The following SYNJ2 variants were observed in gnomAD, a reference collection of about 807,000 sequenced individuals.
SYNJ2 encodes polyphosphatidylinositol phosphatase SYNJ2.
Under a neutral mutation model 141.3 loss-of-function variants are expected in SYNJ2, and 116 were observed. The ratio of observed to expected loss-of-function variants is 0.82; its 90% confidence interval spans 0.71 to 0.96. SYNJ2 has a LOEUF of 0.96. Among genes scored for constraint, SYNJ2 ranks in the 40% least tolerant of loss-of-function variants. SYNJ2 has a pLI of 0.00. For synonymous variants in SYNJ2, 745 were observed against 777.7 expected, an observed-to-expected ratio of 0.96 and a Z score of 0.70; for missense variants, 1,873 against 1,934.8, an observed-to-expected ratio of 0.97 and a Z score of 0.60.
In SYNJ2 at chr6:158,081,108, G is replaced by C. The variant is rs761576321; in HGVS notation, c.2568-1G>C. 1.9e-6 allele frequency: 3 copies of C among 1,613,734 alleles called. No individual in the cohort carries two copies. The South Asian group carries it at 3.3e-5, about 18-fold the overall frequency. ...TCATCCCTCTTTTGTTCCTAACGCA[G>C]ACCTGTGCTGGCGATCGTGGAGGTG... On this transcript the variant is annotated splice_acceptor_variant, in intron 18 of 26. Coordinates refer to ENST00000355585, the MANE Select transcript of SYNJ2 (RefSeq NM_003898.4). LOFTEE classifies it high-confidence loss of function.
In SYNJ2 at chr6:158,070,037, T is replaced by TTTAAAGA. The variant is rs1781819166; in HGVS notation, c.1940+364_1940+365insTTAAAGA. 5 of 671,688 alleles carry TTTAAAGA rather than the reference T, an allele frequency of 7.4e-6. 1 individual carries two copies. In the African/African-American group the frequency reaches 9.7e-5, roughly 13 times the overall value. The allele number at this position is 671,688 out of a possible 1,614,324, so 41.6% of individuals were successfully genotyped here. On this transcript the variant is annotated intron_variant, in intron 14 of 26. Transcript: ENST00000355585. The surrounding 1 kb of genome is among the most constrained non-coding windows in gnomAD (Gnocchi z 4.0). The stretch of plus-strand genomic sequence containing the variant: ...ACTCACTGGGAAATGCCAACTCTTT[T>TTTAAAGA]GTCCCTTTTTAAAAGAATTCTAAGT...
chr6:158,083,568 A>T lies in SYNJ2; in HGVS notation c.3005A>T (p.Asp1002Val). Reference sequence around the variant, plus strand: ...TCCTGTTTGCTGGAGGAAAACTTTGACTTCACAAGTTTGGACTATGAGTCA... The same window carrying T: ...TCCTGTTTGCTGGAGGAAAACTTTGTCTTCACAAGTTTGGACTATGAGTCA... ...ANSCLLEENFDFTSLDYESEG... is the reference protein window; with the variant it reads ...ANSCLLEENFVFTSLDYESEG... Residue 1002 changes from aspartate (D) to valine (V), a missense_variant, in exon 21 of 27, where the codon GAC (aspartate) becomes GTC (valine). Coordinates refer to ENST00000355585, the MANE Select transcript of SYNJ2 (RefSeq NM_003898.4). 1 of 1,614,068 alleles carries T rather than the reference A, an allele frequency of 6.2e-7. No homozygotes were observed. The highest frequency in any genetic ancestry group is 8.5e-7 in the Non-Finnish European group (1 of 1,180,012).
chr6:158,092,176 C>A (rs1339873504), intron 25 of SYNJ2, among the ~76,000 whole-genome samples: 1 of 151,698 alleles, frequency 6.6e-6, no homozygotes, highest in Non-Finnish European at 1.5e-5. Context: ...ACAGTCCCGG[C>A]TTAACACTTT....
intron 1 of SYNJ2, among the ~76,000 whole-genome samples, chr6:157,984,968 C>T (rs1307730402): frequency 6.6e-6 from 1 of 152,236 alleles, no homozygotes; most frequent in Non-Finnish European, 1.5e-5. Flanking sequence ...ATTCTAACTT[C>T]CATCCTGCTC....
chr6:158,057,069 G>A lies in SYNJ2; in HGVS notation c.857+2041G>A, dbSNP rs187271840. The stretch of plus-strand genomic sequence containing the variant: ...TGAACCCCTTCTCCTTCCCCGCCCC[G>A]CTCTGCGGGCGGCTGCTGTGCACAT... On this transcript the variant is annotated intron_variant, in intron 6 of 26. Coordinates refer to ENST00000355585, the MANE Select transcript of SYNJ2 (RefSeq NM_003898.4). Among the ~76,000 whole-genome samples, 14 of 152,168 alleles carry A rather than the reference G, an allele frequency of 9.2e-5. No individual in the cohort carries two copies. In the South Asian group the frequency reaches 2.1e-3, roughly 23 times the overall value.
chr6:158,017,427 T>TTTTC (rs1778521156), intron 2 of SYNJ2, 137 bp downstream of exon 2: 4 of 1,054,298 alleles, frequency 3.8e-6, no homozygotes, highest in Non-Finnish European at 5.1e-6. Flanking sequence ...TTTTTTTTTT[T>TTTTC]CTCCGAGATA....
Position 157,982,088 on chromosome 6 carries a change from G to T in SYNJ2, c.127G>T (p.Ala43Ser). 7.5e-7 allele frequency: 1 copy of T among 1,333,044 alleles called. No homozygotes were observed. The highest frequency in any genetic ancestry group is 9.6e-7 in the Non-Finnish European group (1 of 1,043,964). 82.6% of individuals were successfully genotyped at this position (1,333,044 alleles called of 1,614,324 possible). ...CGAGGCCGGCACGGTGGCCACGCTG[G>T]GTGAGTCCGGGCCGGGGGCAGCGAC... ...LFEAGTVATL[A>S]PEEKEVIKGQ... Residue 43 changes from alanine to serine, a missense_variant and splice_region_variant, in exon 1 of 27, where the codon GCT becomes TCT. Transcript: ENST00000355585. The surrounding 1 kb of genome is among the most constrained non-coding windows in gnomAD (Gnocchi z 4.0).
intron 11 of SYNJ2, 137 bp downstream of exon 11, chr6:158,065,128 C>G (rs1472360861): frequency 1.6e-5 from 18 of 1,121,150 alleles, no homozygotes; most frequent in Non-Finnish European, 2.2e-5. Flanking sequence ...CACCTTGCAG[C>G]TGTCACTGCC....
intron 1 of SYNJ2, among the ~76,000 whole-genome samples, chr6:158,000,895 C>T (rs1028534793): frequency 6.6e-6 from 1 of 152,140 alleles, no homozygotes. Flanking sequence ...CTCTTCCCTC[C>T]GTAGGAGGAA....
At chr6:158,008,922 C>T (rs865832516) in intron 1 of SYNJ2, among the ~76,000 whole-genome samples, 4 of 152,350 alleles carry the variant, frequency 2.6e-5, no homozygotes, top group Middle Eastern at 3.4e-3. Context: ...TGACCTCAAA[C>T]TTCTGTGCAG....
chr6:158,079,698 T>C (rs1028115041), intron 18 of SYNJ2, among the ~76,000 whole-genome samples: 5 of 152,236 alleles, frequency 3.3e-5, no homozygotes, highest in Admixed American at 3.3e-4. Context: ...AGATACCTGT[T>C]GTTGCAAATA....
At chr6:157,997,147 C>T (rs368280636) in intron 1 of SYNJ2, among the ~76,000 whole-genome samples, 29 of 151,640 alleles carry the variant, frequency 1.9e-4, no homozygotes, top group South Asian at 1.2e-3. Context: ...TTCTTCTTGG[C>T]GCTTATCACT....
chr6:157,995,678 G>T (rs1230183476), intron 1 of SYNJ2, among the ~76,000 whole-genome samples: 1 of 152,234 alleles, frequency 6.6e-6, no homozygotes, highest in African/African-American at 2.4e-5. Flanking sequence ...CACACACAGC[G>T]GGGACGGGGA....
chr6:158,041,035 G>C (rs993795735), intron 4 of SYNJ2, among the ~76,000 whole-genome samples: 1 of 152,204 alleles, frequency 6.6e-6, no homozygotes, highest in Non-Finnish European at 1.5e-5. Context: ...AGAGAAAACA[G>C]CTTCGTTTTT....
intron 1 of SYNJ2, among the ~76,000 whole-genome samples, chr6:157,984,826 G>A (rs1777138540): frequency 6.6e-6 from 1 of 152,238 alleles, no homozygotes; most frequent in Non-Finnish European, 1.5e-5. Flanking sequence ...GAAGTTCCGA[G>A]TCGGGGGTAG....
intron 26 of SYNJ2, among the ~76,000 whole-genome samples, chr6:158,094,394 C>CAAAAAAAA (rs532980446): frequency 1.4e-5 from 1 of 72,950 alleles, no homozygotes; most frequent in Non-Finnish European, 2.5e-5. Context: ...TACGGCTGGG[C>CAAAAAAAA]AAAAAAAAAA....
intron 24 of SYNJ2, 118 bp downstream of exon 24, chr6:158,088,890 C>G: frequency 1.4e-6 from 1 of 720,224 alleles, no homozygotes; most frequent in Non-Finnish European, 2.4e-6. Flanking sequence ...TGCTCACCAT[C>G]TCATCTCCAA....
chr6:158,075,425 G>T (rs1782216670), intron 16 of SYNJ2, among the ~76,000 whole-genome samples: 1 of 151,700 alleles, frequency 6.6e-6, no homozygotes, highest in Non-Finnish European at 1.5e-5. Context: ...CGGATCACCT[G>T]AGGTCAGGAG....
At chr6:158,022,400 C>T (rs1317363952) in intron 2 of SYNJ2, among the ~76,000 whole-genome samples, 1 of 152,210 alleles carries the variant, frequency 6.6e-6, no homozygotes, top group Non-Finnish European at 1.5e-5. Flanking sequence ...AGCCACGTAT[C>T]ATGACTCCAA....
Sources: allele counts gnomAD v4.1 joint callset (sites outside exome capture counted in the v4.1 genomes callset), GRCh38; gene constraint gnomAD v4.1.1; non-coding constraint Gnocchi (gnomAD v3.1); transcripts MANE v1.5; gene names NCBI Gene and HGNC (gene_info 2026-07-23, HGNC 2026-07-21).